Variants in RGS22 observed in about 807,000 individuals in gnomAD.
RGS22 encodes regulator of G-protein signaling 22.
Under a neutral mutation model 172.9 loss-of-function variants are expected in RGS22, and 148 were observed. The ratio of observed to expected loss-of-function variants is 0.86; its 90% CI spans 0.75 to 0.98. The LOEUF (loss-of-function observed/expected upper bound fraction) is 0.98. RGS22 is among the 50% of genes least tolerant of loss of function. The probability of loss-of-function intolerance (pLI) is 0.00; values close to 1 mark genes in which losing one functional copy is unlikely to be tolerated. For synonymous variants in RGS22, 458 were observed against 480.2 expected (o/e 0.95, Z 0.60); for missense variants, 1,347 against 1,440.8 (o/e 0.93, Z 1.05).
At chr8:99,985,465 C>T (rs1032936960) in intron 21 of RGS22, among the ~76,000 whole-genome samples, 5 of 152,152 alleles carry the variant, frequency 3.3e-5, no homozygotes, top group Middle Eastern at 3.2e-3. Context: ...TCCCCATACC[C>T]CATCATTCTC....
intron 13 of RGS22, among the ~76,000 whole-genome samples, chr8:100,039,657 T>A (rs1427123193): frequency 6.6e-6 from 1 of 152,096 alleles, no homozygotes; most frequent in African/African-American, 2.4e-5. Context: ...ATTACAGGCA[T>A]GAGCCACCGC....
At chr8:99,979,600 G>A (rs1250365629) in intron 22 of RGS22, among the ~76,000 whole-genome samples, 1 of 152,184 alleles carries the variant, frequency 6.6e-6, no homozygotes, top group Non-Finnish European at 1.5e-5. Flanking sequence ...GGGAGTGGGA[G>A]TGAGGGATAG....
At chr8:100,066,559 C>T (rs1810549820) in intron 6 of RGS22, among the ~76,000 whole-genome samples, 1 of 152,116 alleles carries the variant, frequency 6.6e-6, no homozygotes, top group Non-Finnish European at 1.5e-5. Context: ...TCCACTCTCA[C>T]TCTCAGACTA....
chr8:100,046,940 G>A (rs545218703), intron 11 of RGS22, among the ~76,000 whole-genome samples: 69 of 151,622 alleles, frequency 4.6e-4, no homozygotes, highest in African/African-American at 1.6e-3. Context: ...TCAGCCTTCC[G>A]AGTAGTTGAT....
chr8:100,015,187 A>G (rs968375447), intron 14 of RGS22, among the ~76,000 whole-genome samples: 1 of 152,240 alleles, frequency 6.6e-6, no homozygotes, highest in Admixed American at 6.5e-5. Context: ...TTATAGCTAC[A>G]TGAATATCTT....
At chr8:100,066,352 A>G (rs1810536251) in intron 6 of RGS22, 56 bp from the exon 7 acceptor site, 1 of 1,409,176 alleles carries the variant, frequency 7.1e-7, no homozygotes, top group Admixed American at 1.8e-5. Context: ...TACTCTGATC[A>G]CAAACCTGGA....
intron 11 of RGS22, among the ~76,000 whole-genome samples, chr8:100,045,936 T>G (rs1820672517): frequency 6.6e-6 from 1 of 151,768 alleles, no homozygotes; most frequent in Non-Finnish European, 1.5e-5. Context: ...AGAAACAATG[T>G]CACGTCCATC....
chr8:100,027,238 A>G (rs1297878583), intron 14 of RGS22, among the ~76,000 whole-genome samples: 1 of 150,612 alleles, frequency 6.6e-6, no homozygotes. Flanking sequence ...CCTTGTCTCA[A>G]AAAAAAAAGA....
At chr8:99,972,236 T>C (rs1811443804) in intron 23 of RGS22, among the ~76,000 whole-genome samples, 1 of 152,152 alleles carries the variant, frequency 6.6e-6, no homozygotes, top group South Asian at 2.1e-4. Context: ...TTAAACCTTA[T>C]ATAAAAATTA....
chr8:100,080,234 G>C lies in RGS22; in HGVS notation c.239C>G (p.Pro80Arg). ...TCCTTTCCTTACAACATCATAAATG[G>C]GATTTCGAGGTTGCTGGTTTTGTAG... ...KILQNQQPRNPIYDVVRKGKN... is the reference protein window; with the variant it reads ...KILQNQQPRNRIYDVVRKGKN... Residue 80 changes from proline (P) to arginine (R), a missense_variant, in exon 4 of 28, where the codon CCC becomes CGC. Coordinates refer to ENST00000360863, the MANE Select transcript of RGS22 (RefSeq NM_015668.5). The C allele has an allele frequency of 6.2e-7, 1 of 1,613,548 alleles. No homozygotes were observed. The highest frequency in any genetic ancestry group is 8.5e-7 in the Non-Finnish European group (1 of 1,179,612).
intron 14 of RGS22, among the ~76,000 whole-genome samples, chr8:100,009,424 C>CA (rs1238317237): frequency 0.079 from 3,586 of 45,248 alleles, 107 homozygotes; most frequent in African/African-American, 0.11. Flanking sequence ...GACTCCACCT[C>CA]AAAAAAAAAA....
chr8:99,984,050 G>A (rs1046173708), intron 21 of RGS22, among the ~76,000 whole-genome samples: 4 of 152,280 alleles, frequency 2.6e-5, no homozygotes, highest in East Asian at 1.9e-4. Flanking sequence ...TTGGGAGGCC[G>A]AGGTGGGCAG....
At chr8:99,984,308 A>G (rs76217627) in intron 21 of RGS22, among the ~76,000 whole-genome samples, 4 of 152,252 alleles carry the variant, frequency 2.6e-5, no homozygotes, top group African/African-American at 9.6e-5. Flanking sequence ...AGAAAAGAAA[A>G]AGCCTATTTT....
At chr8:100,016,262 G>A (rs769321906) in intron 14 of RGS22, among the ~76,000 whole-genome samples, 5 of 152,074 alleles carry the variant, frequency 3.3e-5, no homozygotes, top group African/African-American at 4.8e-5. Context: ...TTGGGTTGAC[G>A]CTTCATAGAC....
intron 3 of RGS22, among the ~76,000 whole-genome samples, chr8:100,085,682 C>T (rs935003256): frequency 1.3e-5 from 2 of 152,148 alleles, no homozygotes; most frequent in African/African-American, 4.8e-5. Context: ...TAGAATCACC[C>T]TTAGCATGAT....
At position 100,046,715 on chromosome 8, in the gene RGS22, A is replaced by C. The variant is rs2926768; in HGVS notation, c.1823+748T>G. 5.3e-3 allele frequency among the ~76,000 whole-genome samples: 807 copies of C among 150,904 alleles called. 6 individuals are homozygous for C. The highest frequency in any genetic ancestry group is 0.018 in the African/African-American group (740 of 40,990). On this transcript the variant is annotated intron_variant, in intron 11 of 27. Transcript: ENST00000360863. The stretch of plus-strand genomic sequence containing the variant: ...AGAATAACTCAGCCAAAACCCAGAG[A>C]ATAAGAATTCACAGAGGTGACTTCG...
intron 2 of RGS22, among the ~76,000 whole-genome samples, chr8:100,104,616 C>G (rs1180447402): frequency 6.6e-6 from 1 of 152,136 alleles, no homozygotes; most frequent in East Asian, 1.9e-4. Flanking sequence ...GAGACTTAAC[C>G]TCAGCATCTA....
chr8:100,098,871 ATTTTAT>A (rs1411129587), intron 2 of RGS22, among the ~76,000 whole-genome samples: 6 of 16,288 alleles, frequency 3.7e-4, no homozygotes, highest in Non-Finnish European at 5.1e-4. Flanking sequence ...TATTTATTTT[ATTTTAT>A]TTTATTTTAT....
intron 20 of RGS22, among the ~76,000 whole-genome samples, chr8:99,995,843 A>G (rs1253467447): frequency 6.6e-6 from 1 of 152,218 alleles, no homozygotes; most frequent in East Asian, 1.9e-4. Flanking sequence ...TCACAATAGC[A>G]AAGACTTGGA....
Sources: gnomAD v4.1 joint callset for allele counts (sites outside exome capture counted in the v4.1 genomes callset) on GRCh38, gnomAD v4.1.1 for gene constraint, MANE v1.5 for transcripts, NCBI Gene and HGNC (gene_info 2026-07-23, HGNC 2026-07-21) for gene names.